Variants in DENND5B observed in about 807,000 individuals in gnomAD.
DENND5B encodes DENN domain-containing protein 5B.
Under a neutral mutation model 140.6 loss-of-function variants are expected in DENND5B, and 34 were observed. That is an observed-to-expected ratio of 0.24 (90% CI 0.18 to 0.32). The LOEUF is 0.32. Ranked by LOEUF, DENND5B falls within the 10% of genes least tolerant of loss-of-function variation. DENND5B has a pLI of 1.00. For synonymous variants in DENND5B, 551 were observed against 562.1 expected (o/e 0.98, Z 0.28); for missense variants, 1,142 against 1,560.2 (o/e 0.73, Z 4.52).
chr12:31,398,207 A>C lies in DENND5B; in HGVS notation c.3224T>G (p.Leu1075Trp), dbSNP rs1222887024. ...QQKSPTTARRLSITSLTGKNN... is the reference protein window; with the variant it reads ...QQKSPTTARRWSITSLTGKNN... The stretch of plus-strand genomic sequence containing the variant: ...TTTTCCTGTCAGTGAAGTGATGCTC[A>C]ATCTCCTAGCCGTGGTGGGTGACTT... The change falls in exon 17 of 21, where the codon TTG becomes TGG. Residue 1075 changes from leucine (L) to tryptophan (W), a missense_variant. Physicochemically the swap from Leu to Trp is moderately conservative, Grantham distance 61. Around this residue, in one of 5 missense-constraint regions of DENND5B, gnomAD observed 268 missense variants for 349.2 expected, o/e 0.77. Coordinates refer to ENST00000389082, the MANE Select transcript of DENND5B (RefSeq NM_144973.4). 6.2e-7 allele frequency: 1 copy of C among 1,604,460 alleles called. No individual in the cohort carries two copies. The highest frequency in any genetic ancestry group is 8.5e-7 in the Non-Finnish European group (1 of 1,175,684).
At chr12:31,415,620 A>G (rs1942696162) in intron 11 of DENND5B, among the ~76,000 whole-genome samples, 172 bp from the exon 12 acceptor site, 1 of 152,170 alleles carries the variant, frequency 6.6e-6, no homozygotes, top group Admixed American at 6.5e-5. Context: ...TCTGTCACTG[A>G]GCTTGGAGTG....
intron 14 of DENND5B, among the ~76,000 whole-genome samples, chr12:31,405,116 G>A (rs1214240759): frequency 2.0e-5 from 3 of 151,980 alleles, no homozygotes; most frequent in Non-Finnish European, 4.4e-5. Context: ...ATTTTGCCCA[G>A]GCTAGTCTTG....
chr12:31,460,525 T>C (rs561260080), intron 3 of DENND5B, 144 bp from the exon 4 acceptor site: 48 of 725,442 alleles, frequency 6.6e-5, no homozygotes, highest in South Asian at 3.1e-4. Flanking sequence ...AATAGGTCAG[T>C]TCTATTCCAC....
intron 5 of DENND5B, among the ~76,000 whole-genome samples, chr12:31,451,384 C>T (rs774418662): frequency 4.6e-5 from 7 of 151,994 alleles, no homozygotes; most frequent in South Asian, 2.1e-4. Context: ...AGTACAGTGG[C>T]GCTATCTTGG....
rs1023036187 is a variant in DENND5B at position 31,527,671 on chromosome 12, G to A, written c.128-31752C>T. Among the ~76,000 whole-genome samples, 12 of 152,204 alleles carry A rather than the reference G, an allele frequency of 7.9e-5. No individual in the cohort carries two copies. The East Asian group carries it at 1.4e-3, about 17-fold the overall frequency. On this transcript the variant is annotated intron_variant, in intron 1 of 20. Transcript: ENST00000389082. ...CCCACACCTGTAATCCCAGCTACTC[G>A]GGAGGCTGAGGCAGGAGAACTGCTT...
intron 1 of DENND5B, among the ~76,000 whole-genome samples, chr12:31,562,131 C>T (rs570930996): frequency 7.2e-5 from 11 of 152,206 alleles, no homozygotes; most frequent in African/African-American, 2.6e-4. Flanking sequence ...AAACTGTTTC[C>T]CTCAAGTAGC....
At chr12:31,559,232 C>T (rs898490305) in intron 1 of DENND5B, among the ~76,000 whole-genome samples, 1 of 152,124 alleles carries the variant, frequency 6.6e-6, no homozygotes, top group Admixed American at 6.5e-5. Context: ...AATTAAGCTA[C>T]CCTCCCTAAG....
At chr12:31,499,583 C>A (rs74759331) in intron 1 of DENND5B, 4 of 1,475,006 alleles carry the variant, frequency 2.7e-6, no homozygotes, top group Non-Finnish European at 3.6e-6. Flanking sequence ...ATAGCCCATC[C>A]TTGTTCTTAA....
At chr12:31,527,368 A>G (rs1948121135) in intron 1 of DENND5B, among the ~76,000 whole-genome samples, 2 of 152,154 alleles carry the variant, frequency 1.3e-5, no homozygotes, top group African/African-American at 4.8e-5. Context: ...TAATGAGTGA[A>G]GAGGAGAGAA....
intron 1 of DENND5B, among the ~76,000 whole-genome samples, chr12:31,588,195 C>T (rs1950466140): frequency 6.6e-6 from 1 of 152,162 alleles, no homozygotes; most frequent in Non-Finnish European, 1.5e-5. Flanking sequence ...CAATGCTGTG[C>T]CCCCAGGTGA....
chr12:31,547,169 TTTTC>T (rs1272428505), intron 1 of DENND5B, among the ~76,000 whole-genome samples: 1 of 152,214 alleles, frequency 6.6e-6, no homozygotes, highest in Non-Finnish European at 1.5e-5. Flanking sequence ...GTTGTGTTAC[TTTTC>T]TTTTTTTTAC....
chr12:31,582,427 TA>T (rs1327707305), intron 1 of DENND5B, among the ~76,000 whole-genome samples: 1 of 152,188 alleles, frequency 6.6e-6, no homozygotes, highest in African/African-American at 2.4e-5. Flanking sequence ...TACATTCCTT[TA>T]AAAAACTATA....
intron 1 of DENND5B, among the ~76,000 whole-genome samples, chr12:31,587,018 T>C (rs935704601): frequency 7.9e-5 from 12 of 152,342 alleles, no homozygotes; most frequent in Admixed American, 7.2e-4. Context: ...CCTGTTTTCC[T>C]GCCATGTCAC....
At chr12:31,452,981 T>G (rs1476599204) in intron 4 of DENND5B, among the ~76,000 whole-genome samples, 2 of 152,218 alleles carry the variant, frequency 1.3e-5, no homozygotes, top group Non-Finnish European at 2.9e-5. Context: ...TGTATGCACT[T>G]GAACTTTCTT....
At chr12:31,584,663 CA>C (rs1555177610) in intron 1 of DENND5B, among the ~76,000 whole-genome samples, 2 of 151,778 alleles carry the variant, frequency 1.3e-5, no homozygotes, top group Non-Finnish European at 2.9e-5. Context: ...CCCATCTCTA[CA>C]AAAAATACAA....
chr12:31,454,232 C>T (rs1475554059), intron 4 of DENND5B, among the ~76,000 whole-genome samples: 4 of 151,814 alleles, frequency 2.6e-5, no homozygotes, highest in African/African-American at 7.3e-5. Context: ...TCTTTGAATC[C>T]AGTCTTTTAA....
At chr12:31,402,691 C>T (rs773453098) in intron 14 of DENND5B, 48 bp from the exon 15 acceptor site, 1 of 1,552,330 alleles carries the variant, frequency 6.4e-7, no homozygotes, top group African/African-American at 1.4e-5. Context: ...ATAAAATTCT[C>T]CTTATAACAA....
intron 1 of DENND5B, among the ~76,000 whole-genome samples, chr12:31,555,859 G>A (rs1309348299): frequency 6.6e-6 from 1 of 152,188 alleles, no homozygotes. Context: ...TCCGAGCCAG[G>A]TGCGGGATAT....
intron 1 of DENND5B, among the ~76,000 whole-genome samples, chr12:31,512,530 C>T (rs922813978): frequency 6.6e-6 from 1 of 151,950 alleles, no homozygotes; most frequent in African/African-American, 2.4e-5. Context: ...CTGCACTCAG[C>T]CTATTTTCTT....
Sources: gnomAD v4.1 joint callset for allele counts (sites outside exome capture counted in the v4.1 genomes callset) on GRCh38, gnomAD v4.1.1 for gene constraint, gnomAD v4.1.1 regional missense constraint, MANE v1.5 for transcripts, NCBI Gene and HGNC (gene_info 2026-07-23, HGNC 2026-07-21) for gene names.